Variants in FRMD4A observed in about 807,000 individuals in gnomAD.
The protein encoded by FRMD4A is FERM domain containing 4A, also known as FERM domain-containing protein 4A.
FRMD4A carries 29 observed loss-of-function variants against 129.1 expected under a neutral mutation model. The ratio of observed to expected loss-of-function variants is 0.22; its 90% CI spans 0.17 to 0.31. The LOEUF (loss-of-function observed/expected upper bound fraction) is 0.31, where lower values mean the gene tolerates loss of function less well. Among genes scored for constraint, FRMD4A ranks in the 10% least tolerant of loss-of-function variants. FRMD4A has a pLI of 1.00. For synonymous variants in FRMD4A, 634 were observed against 571.6 expected (o/e 1.11, Z -1.56); for missense variants, 1,272 against 1,375.8 (o/e 0.92, Z 1.19).
chr10:14,309,096 T>C (rs936169279), intron 2 of FRMD4A, among the ~76,000 whole-genome samples: 1 of 152,188 alleles, frequency 6.6e-6, no homozygotes, highest in Non-Finnish European at 1.5e-5. Context: ...CAGATAAAGA[T>C]GTTAGGGGAC....
At chr10:13,974,557 C>T (rs376959447) in intron 2 of FRMD4A, among the ~76,000 whole-genome samples, 4 of 151,930 alleles carry the variant, frequency 2.6e-5, no homozygotes, top group African/African-American at 4.8e-5. Context: ...GGCGGAGTCT[C>T]GCTCTGTCGC....
At chr10:13,907,051 C>T (rs1380573646) in intron 2 of FRMD4A, among the ~76,000 whole-genome samples, 1 of 152,140 alleles carries the variant, frequency 6.6e-6, no homozygotes, top group Non-Finnish European at 1.5e-5. Flanking sequence ...CCTTCTCAGG[C>T]CCTTGCAGCC....
At chr10:13,701,552 T>C (rs1465093051) in intron 13 of FRMD4A, 74 bp from the exon 14 acceptor site, 1 of 1,446,912 alleles carries the variant, frequency 6.9e-7, no homozygotes, top group Admixed American at 1.8e-5. Flanking sequence ...ACAGCTTCTG[T>C]AGAGAACCCA....
intron 2 of FRMD4A, among the ~76,000 whole-genome samples, chr10:14,255,759 A>C (rs984892456): frequency 6.6e-6 from 1 of 152,198 alleles, no homozygotes; most frequent in African/African-American, 2.4e-5. Context: ...TAATCCCAGC[A>C]CACTGCGAGG....
At chr10:14,267,240 C>G (rs182046790) in intron 2 of FRMD4A, among the ~76,000 whole-genome samples, 128 of 152,310 alleles carry the variant, frequency 8.4e-4, no homozygotes, top group African/African-American at 2.9e-3. Context: ...ACATGACGCT[C>G]TGTGTGTGGC....
rs925288335 is a variant in FRMD4A, at chr10:13,651,928, G to A, written c.3097C>T (p.Pro1033Ser). The change falls in exon 24 of 25, where the codon CCT (proline) becomes TCT (serine). Residue 1033 changes from proline (P) to serine (S), a missense_variant. By Grantham distance (74) the Pro-to-Ser change is moderately conservative. Coordinates refer to ENST00000357447, the MANE Select transcript of FRMD4A (RefSeq NM_018027.5). The stretch of plus-strand genomic sequence containing the variant: ...CTCTATTCATCAGTACTTTGGTGAG[G>A]TGGAGACTCAGACCCATCCAGAATG... ...SPILDGSESP[P>S]HQSTDE 5.7e-6 allele frequency: 9 copies of A among 1,592,030 alleles called. No homozygotes were observed. Among genetic ancestry groups the A allele is most frequent in the Non-Finnish European group, 6.9e-6 (8 of 1,159,832 alleles).
intron 23 of FRMD4A, chr10:13,653,526 C>T (rs1454063059): frequency 6.6e-6 from 1 of 152,290 alleles, no homozygotes; most frequent in African/African-American, 2.4e-5. Context: ...GCCTGAAAGG[C>T]AGACAATACA....
At chr10:13,884,144 T>TCACACACTCACTCACACACACA (rs773933481) in intron 2 of FRMD4A, among the ~76,000 whole-genome samples, 5 of 105,098 alleles carry the variant, frequency 4.8e-5, no homozygotes, top group Admixed American at 4.6e-4. Context: ...TCACACACAC[T>TCACACACTCACTCACACACACA]CTCACACACT....
intron 9 of FRMD4A, among the ~76,000 whole-genome samples, chr10:13,743,134 C>G (rs577742572): frequency 6.6e-6 from 1 of 152,296 alleles, no homozygotes; most frequent in East Asian, 1.9e-4. Flanking sequence ...TCTGTGGGGT[C>G]TGGATATCCT....
At chr10:13,778,621 G>GTGTGTGTT (rs1393011843) in intron 6 of FRMD4A, among the ~76,000 whole-genome samples, 1 of 142,500 alleles carries the variant, frequency 7.0e-6, no homozygotes, top group African/African-American at 2.7e-5. Context: ...GTGTGTGTGT[G>GTGTGTGTT]TTTGTGTGTG....
chr10:13,884,154 T>TCACA (rs1564970810), intron 2 of FRMD4A, among the ~76,000 whole-genome samples: 5 of 111,158 alleles, frequency 4.5e-5, no homozygotes, highest in African/African-American at 1.1e-4. Context: ...TCTCACACAC[T>TCACA]CTCACACACA....
chr10:14,031,424 T>A (rs900702654), intron 2 of FRMD4A, among the ~76,000 whole-genome samples: 1 of 152,244 alleles, frequency 6.6e-6, no homozygotes, highest in South Asian at 2.1e-4. Context: ...CCAACCACCA[T>A]GCCTGGCTAA....
intron 2 of FRMD4A, among the ~76,000 whole-genome samples, chr10:14,165,833 G>A (rs966205464): frequency 1.3e-5 from 2 of 152,176 alleles, no homozygotes; most frequent in Non-Finnish European, 2.9e-5. Flanking sequence ...GATGGGTACA[G>A]TAGACACTGG....
chr10:14,317,480 G>A (rs1052784973), intron 2 of FRMD4A, among the ~76,000 whole-genome samples: 18 of 152,086 alleles, frequency 1.2e-4, no homozygotes, highest in Admixed American at 5.9e-4. Context: ...CTATTTCTCT[G>A]CCATCACATT....
At chr10:14,032,460 G>T (rs1290561106) in intron 2 of FRMD4A, among the ~76,000 whole-genome samples, 1 of 152,130 alleles carries the variant, frequency 6.6e-6, no homozygotes, top group East Asian at 1.9e-4. Flanking sequence ...GTGAACTTCC[G>T]GCTAAAACAA....
intron 3 of FRMD4A, among the ~76,000 whole-genome samples, chr10:13,835,902 G>A (rs78117230): frequency 6.6e-6 from 1 of 152,078 alleles, no homozygotes; most frequent in Non-Finnish European, 1.5e-5. Flanking sequence ...GTGCCAAAAA[G>A]GTTGGGGACC....
intron 2 of FRMD4A, among the ~76,000 whole-genome samples, chr10:14,296,949 T>C (rs1846029056): frequency 6.6e-6 from 1 of 152,120 alleles, no homozygotes; most frequent in Admixed American, 6.5e-5. Flanking sequence ...CATCAGTAAA[T>C]CACAGAACTC....
intron 2 of FRMD4A, among the ~76,000 whole-genome samples, chr10:14,094,386 C>A (rs561525135): frequency 6.6e-6 from 1 of 152,294 alleles, no homozygotes; most frequent in South Asian, 2.1e-4. Flanking sequence ...AGAACTGAAG[C>A]AAGTGGTAAT....
chr10:13,707,862 T>TC, intron 12 of FRMD4A: 1 of 985,326 alleles, frequency 1.0e-6, no homozygotes, highest in Non-Finnish European at 1.2e-6. Flanking sequence ...GCCCTGGCGG[T>TC]CATTCCTCCT....
Sources: allele counts gnomAD v4.1 joint callset (sites outside exome capture counted in the v4.1 genomes callset), GRCh38; gene constraint gnomAD v4.1.1; transcripts MANE v1.5; gene names NCBI Gene and HGNC (gene_info 2026-07-23, HGNC 2026-07-21).